SATB2: variants seen among roughly 807,000 people sequenced by gnomAD.
SATB2 encodes the protein SATB homeobox 2, also known as DNA-binding protein SATB2.
Under a neutral mutation model 73.4 loss-of-function variants are expected in SATB2, and 1 was observed. That is an observed-to-expected ratio of 0.01 (90% CI 0.00 to 0.06). The LOEUF (loss-of-function observed/expected upper bound fraction) is 0.06, where lower values mean the gene tolerates loss of function less well. Among genes scored for constraint, SATB2 ranks in the 10% least tolerant of loss-of-function variants. SATB2 has a pLI of 1.00. For missense variants in SATB2, 459 were observed against 945.8 expected (o/e 0.49, Z 6.75); for synonymous variants, 397 against 367.0 (o/e 1.08, Z -0.93).
At chr2:199,323,476 TACACACACACAC>T (rs1553546876) in intron 9 of SATB2, among the ~76,000 whole-genome samples, 1 of 142,848 alleles carries the variant, frequency 7.0e-6, no homozygotes, top group South Asian at 2.3e-4. Flanking sequence ...GTTTTGTTCA[TACACACACACAC>T]ACACACACAC....
chr2:199,310,199 T>C (rs931549515), intron 9 of SATB2, among the ~76,000 whole-genome samples: 4 of 152,198 alleles, frequency 2.6e-5, no homozygotes, highest in African/African-American at 4.8e-5. Flanking sequence ...GCAGCAGCTG[T>C]AGGCACTGAA....
At chr2:199,466,771 A>C (rs1196020621), upstream of SATB2, among the ~76,000 whole-genome samples, 1 of 152,150 alleles carries the variant, frequency 6.6e-6, no homozygotes, top group Non-Finnish European at 1.5e-5. Context: ...CTATTTTCTG[A>C]AGATGTGGAT....
intron 7 of SATB2, among the ~76,000 whole-genome samples, chr2:199,333,939 C>A (rs1245998395): frequency 6.6e-6 from 1 of 152,138 alleles, no homozygotes; most frequent in African/African-American, 2.4e-5. Context: ...AAGCCTCAAG[C>A]TAGCTAGAGA....
At chr2:199,426,692 C>CAAAAAAAAAAAAAAAAAAAAAAAAAAAAA (rs200293007) in intron 3 of SATB2, among the ~76,000 whole-genome samples, 3 of 128,254 alleles carry the variant, frequency 2.3e-5, no homozygotes, top group African/African-American at 3.3e-5. Context: ...CATTCTCTCT[C>CAAAAAAAAAAAAAAAAAAAAAAAAAAAAA]AAAAAAAAAA....
intron 2 of SATB2, 38 bp from the exon 3 acceptor site, chr2:199,433,552 A>G (rs1413212160): frequency 6.3e-7 from 1 of 1,594,832 alleles, no homozygotes; most frequent in Non-Finnish European, 8.6e-7. Flanking sequence ...CACAAACATT[A>G]AAAAGCAAAT....
chr2:199,466,750 T>A (rs376951627), upstream of SATB2, among the ~76,000 whole-genome samples: 17 of 152,336 alleles, frequency 1.1e-4, no homozygotes, highest in African/African-American at 3.8e-4. Context: ...CATATTTTGG[T>A]TTCAGTTGAG....
At chr2:199,336,513 A>G (rs771235724) in intron 7 of SATB2, among the ~76,000 whole-genome samples, 2 of 152,230 alleles carry the variant, frequency 1.3e-5, no homozygotes, top group Non-Finnish European at 2.9e-5. Context: ...TTATATCTCA[A>G]ATGTATCAGA....
chr2:199,333,135 CA>C (rs1406766868), intron 7 of SATB2, among the ~76,000 whole-genome samples: 1 of 151,446 alleles, frequency 6.6e-6, no homozygotes, highest in Non-Finnish European at 1.5e-5. Flanking sequence ...AGGGAACCCC[CA>C]AATTCAATAT....
intron 10 of SATB2, among the ~76,000 whole-genome samples, chr2:199,279,531 T>C (rs1233406352): frequency 6.6e-6 from 1 of 152,154 alleles, no homozygotes; most frequent in Non-Finnish European, 1.5e-5. Flanking sequence ...TGGTCTTCTT[T>C]TATAGAGAAA....
At position 199,270,364 on chromosome 2, in the gene SATB2, T is replaced by G. The variant is rs972578987; in HGVS notation, c.*1847A>C. On this transcript the variant is annotated 3_prime_UTR_variant, in exon 11 of 11. Coordinates refer to ENST00000417098, the MANE Select transcript of SATB2 (RefSeq NM_001172509.2). ...CTGAGTTAATATCTACACATAGAGGTTTTTTTTTTAACTCCTACCTTTTAT... is the reference window on the plus strand; with the variant it reads ...CTGAGTTAATATCTACACATAGAGGGTTTTTTTTTAACTCCTACCTTTTAT... 2 of 145,972 alleles carry G rather than the reference T, an allele frequency of 1.4e-5. No individual in the cohort carries two copies. Among genetic ancestry groups the G allele is most frequent in the African/African-American group, 5.0e-5 (2 of 40,124 alleles). The allele number at this position is 145,972 out of a possible 1,614,324, so 9.0% of individuals were successfully genotyped here.
rs554116096 is a variant in SATB2 at position 199,291,433 on chromosome 2, A to G, written c.1740+17327T>C. ...CTAGAGGCCAAATATGAGCCATTTCATTTATACTTGCAGAAATCAAAAAGC... is the reference window on the plus strand; with the variant it reads ...CTAGAGGCCAAATATGAGCCATTTCGTTTATACTTGCAGAAATCAAAAAGC... On this transcript the variant is annotated intron_variant, in intron 10 of 10. Coordinates refer to ENST00000417098, the MANE Select transcript of SATB2 (RefSeq NM_001172509.2). Among the ~76,000 whole-genome samples the G allele has an allele frequency of 8.5e-5, 13 of 152,332 alleles. 2 individuals are homozygous for G. In the South Asian group the frequency reaches 2.5e-3, roughly 29 times the overall value.
At chr2:199,315,190 G>C (rs1164631214) in intron 9 of SATB2, among the ~76,000 whole-genome samples, 5 of 151,940 alleles carry the variant, frequency 3.3e-5, no homozygotes, top group African/African-American at 1.2e-4. Context: ...ATATATGCAT[G>C]TATTTCTGTC....
intron 3 of SATB2, among the ~76,000 whole-genome samples, chr2:199,385,148 T>C (rs1689892284): frequency 6.6e-6 from 1 of 152,034 alleles, no homozygotes; most frequent in Non-Finnish European, 1.5e-5. Context: ...TGTTTGTTTG[T>C]TTCTGACACA....
intron 8 of SATB2, among the ~76,000 whole-genome samples, chr2:199,326,945 G>C (rs1688044771): frequency 1.3e-5 from 2 of 152,012 alleles, no homozygotes; most frequent in Non-Finnish European, 2.9e-5. Context: ...TTATTGCAGA[G>C]TACAAAAATA....
rs1052817910 is a variant in SATB2, at chr2:199,464,500, A to T, written c.-141+336T>A. Reference sequence around the variant, plus strand: ...GAGACAGCGACCCAGAAAGGTGTAAATTCACCTGGTGCCCACCCAATTGCA... The same window carrying T: ...GAGACAGCGACCCAGAAAGGTGTAATTTCACCTGGTGCCCACCCAATTGCA... On this transcript the variant is annotated intron_variant, in intron 1 of 11. Transcript: ENST00000260926. The surrounding 1 kb of genome is among the most constrained non-coding windows in gnomAD (Gnocchi z 6.6). Among the ~76,000 whole-genome samples, 9 of 152,080 alleles carry T rather than the reference A, an allele frequency of 5.9e-5. No homozygotes were observed. Among genetic ancestry groups the T allele is most frequent in the Non-Finnish European group, 8.8e-5 (6 of 67,998 alleles).
At chr2:199,313,906 C>A (rs1258869124) in intron 9 of SATB2, among the ~76,000 whole-genome samples, 4 of 152,128 alleles carry the variant, frequency 2.6e-5, no homozygotes, top group African/African-American at 7.2e-5. Context: ...AGTTCCCCTA[C>A]TGACCTTGTG....
chr2:199,293,040 ATT>A (rs1265491467), intron 10 of SATB2, among the ~76,000 whole-genome samples: 1 of 152,118 alleles, frequency 6.6e-6, no homozygotes, highest in African/African-American at 2.4e-5. Context: ...AATTAATCTC[ATT>A]TTCAAAATGA....
At chr2:199,406,473 C>G (rs943163106) in intron 3 of SATB2, among the ~76,000 whole-genome samples, 1 of 152,096 alleles carries the variant, frequency 6.6e-6, no homozygotes, top group African/African-American at 2.4e-5. Flanking sequence ...AGTGAAATAT[C>G]AGCATTTTCC....
upstream of SATB2, chr2:199,465,140 C>A (rs1189687035): frequency 1.3e-5 from 2 of 152,102 alleles, no homozygotes; most frequent in Non-Finnish European, 2.9e-5. Flanking sequence ...TTTCAAAAAC[C>A]GGCAATTGCG....
Sources: gnomAD v4.1 joint callset for allele counts (sites outside exome capture counted in the v4.1 genomes callset) on GRCh38, gnomAD v4.1.1 for gene constraint, Gnocchi (gnomAD v3.1) non-coding constraint, MANE v1.5 for transcripts, NCBI Gene and HGNC (gene_info 2026-07-23, HGNC 2026-07-21) for gene names.